MARCHF1: variants seen among roughly 807,000 people sequenced by gnomAD.
MARCHF1 encodes the protein membrane associated ring-CH-type finger 1.
Under a neutral mutation model 54.2 loss-of-function variants are expected in MARCHF1, and 40 were observed. The ratio of observed to expected loss-of-function variants is 0.74; its 90% CI spans 0.57 to 0.96. The LOEUF is 0.96. Among genes scored for constraint, MARCHF1 ranks in the 40% least tolerant of loss-of-function variants. The pLI is 0.00. For synonymous variants in MARCHF1, 236 were observed against 236.3 expected (o/e 1.00, Z 0.01); for missense variants, 586 against 656.5 (o/e 0.89, Z 1.17).
chr4:164,155,680 G>T (rs1280566729), intron 1 of MARCHF1, among the ~76,000 whole-genome samples: 1 of 151,922 alleles, frequency 6.6e-6, no homozygotes, highest in African/African-American at 2.4e-5. Flanking sequence ...ACTTGGTGGG[G>T]GGAAGGGATG....
chr4:163,750,307 C>A (rs542971738), intron 4 of MARCHF1, among the ~76,000 whole-genome samples: 106 of 151,864 alleles, frequency 7.0e-4, no homozygotes, highest in African/African-American at 2.4e-3. Context: ...GTCAGGAGAT[C>A]GAGACCATCC....
intron 1 of MARCHF1, among the ~76,000 whole-genome samples, chr4:164,320,556 T>A (rs1368076211): frequency 5.9e-5 from 9 of 152,162 alleles, no homozygotes; most frequent in Non-Finnish European, 1.3e-4. Flanking sequence ...ACTGTGTGTT[T>A]CTTTTTACCA....
At chr4:163,676,744 C>A (rs1303436210) in intron 5 of MARCHF1, among the ~76,000 whole-genome samples, 3 of 151,896 alleles carry the variant, frequency 2.0e-5, no homozygotes. Flanking sequence ...CAAGGTGAGA[C>A]CCTGTCCCAA....
chr4:163,897,646 C>G (rs971458805), intron 3 of MARCHF1, among the ~76,000 whole-genome samples: 2 of 152,064 alleles, frequency 1.3e-5, no homozygotes, highest in Admixed American at 6.6e-5. Context: ...ATAAAAGGTG[C>G]TGGGAAAAGT....
At chr4:163,535,888 A>T (rs571608873) in intron 9 of MARCHF1, among the ~76,000 whole-genome samples, 1 of 152,086 alleles carries the variant, frequency 6.6e-6, no homozygotes, top group South Asian at 2.1e-4. Flanking sequence ...GACATTTAGC[A>T]GTGTCTAGAG....
At chr4:163,971,768 TG>T (rs1752551547) in intron 3 of MARCHF1, among the ~76,000 whole-genome samples, 1 of 152,220 alleles carries the variant, frequency 6.6e-6, no homozygotes, top group African/African-American at 2.4e-5. Flanking sequence ...TAAGATATAT[TG>T]GAGAGCTGCT....
chr4:163,947,898 T>C (rs1752054851), intron 3 of MARCHF1, among the ~76,000 whole-genome samples: 1 of 152,250 alleles, frequency 6.6e-6, no homozygotes, highest in Admixed American at 6.5e-5. Context: ...GTTATTTTAG[T>C]TTCTTAGGAG....
At chr4:164,298,283 A>AT (rs777565616) in intron 1 of MARCHF1, among the ~76,000 whole-genome samples, 34 of 152,164 alleles carry the variant, frequency 2.2e-4, no homozygotes, top group Non-Finnish European at 2.5e-4. Flanking sequence ...AGCCTCCTGC[A>AT]TAACTGTTCT....
chr4:163,544,910 A>C (rs377148970), intron 9 of MARCHF1, among the ~76,000 whole-genome samples: 1 of 152,186 alleles, frequency 6.6e-6, no homozygotes, highest in Non-Finnish European at 1.5e-5. Flanking sequence ...TGGATAAGGT[A>C]TGAAAACTTA....
intron 1 of MARCHF1, among the ~76,000 whole-genome samples, chr4:164,297,626 G>C (rs775184288): frequency 3.3e-5 from 5 of 152,066 alleles, no homozygotes; most frequent in Admixed American, 6.6e-5. Flanking sequence ...TTGTGGATTA[G>C]AAAAAGGGTA....
At chr4:164,188,514 A>G in intron 1 of MARCHF1, 1 of 697,946 alleles carries the variant, frequency 1.4e-6, no homozygotes, top group Non-Finnish European at 2.7e-6. Context: ...TGTGTGTTCA[A>G]GACCGGCTGC....
chr4:164,328,405 T>G (rs1735338396), intron 1 of MARCHF1, among the ~76,000 whole-genome samples: 1 of 152,188 alleles, frequency 6.6e-6, no homozygotes, highest in South Asian at 2.1e-4. Context: ...TATTCACCAA[T>G]TCAAATATGA....
intron 3 of MARCHF1, among the ~76,000 whole-genome samples, chr4:163,892,328 T>C (rs1159146408): frequency 6.6e-6 from 1 of 152,100 alleles, no homozygotes; most frequent in Non-Finnish European, 1.5e-5. Context: ...GGCAGACCTG[T>C]AATATTCAGA....
In MARCHF1 at chr4:164,269,954, A is replaced by T. The variant is rs1298887101; in HGVS notation, c.-323+113916T>A. Among the ~76,000 whole-genome samples the T allele has an allele frequency of 2.6e-5, 4 of 152,262 alleles. No individual in the cohort carries two copies. The East Asian group carries it at 7.7e-4, about 29-fold the overall frequency. On this transcript the variant is annotated intron_variant, in intron 1 of 9. Coordinates refer to ENST00000514618, the MANE Select transcript of MARCHF1 (RefSeq NM_001394959.1). ...CTTCTGCCATGAGCCCCTGCAATCT[A>T]TTTCAACTCAGAAGCTATAGAGTTT... is the stretch of plus-strand genomic sequence containing the variant.
chr4:164,097,252 G>T (rs1193577364), intron 2 of MARCHF1, among the ~76,000 whole-genome samples: 1 of 152,084 alleles, frequency 6.6e-6, no homozygotes, highest in East Asian at 1.9e-4. Flanking sequence ...CCAAAGAAGA[G>T]CTTCTATCCT....
chr4:164,028,651 T>A lies in MARCHF1; in HGVS notation c.-247-39942A>T, dbSNP rs993803591. Among the ~76,000 whole-genome samples, 10 of 152,148 alleles carry A rather than the reference T, an allele frequency of 6.6e-5. No homozygotes were observed. In the South Asian group the frequency reaches 8.3e-4, roughly 13 times the overall value. On this transcript the variant is annotated intron_variant, in intron 2 of 9. Transcript: ENST00000514618. The stretch of plus-strand genomic sequence containing the variant: ...TATGCTCACTACCTGGGTGATGTGA[T>A]CCATACCCCTAACCTCAATATCATA...
chr4:164,242,471 CA>C (rs1158640230), intron 1 of MARCHF1, among the ~76,000 whole-genome samples: 2 of 135,694 alleles, frequency 1.5e-5, no homozygotes, highest in Non-Finnish European at 3.3e-5. Context: ...ACCAAAAACC[CA>C]TCTGTACATC....
chr4:164,346,409 T>A (rs1289924227), intron 1 of MARCHF1, among the ~76,000 whole-genome samples: 3 of 152,034 alleles, frequency 2.0e-5, no homozygotes, highest in Non-Finnish European at 4.4e-5. Context: ...TACAATCCAC[T>A]GTTTATTGAA....
At chr4:163,574,898 C>A (rs1017854816) in intron 8 of MARCHF1, among the ~76,000 whole-genome samples, 11 of 151,532 alleles carry the variant, frequency 7.3e-5, no homozygotes, top group African/African-American at 2.7e-4. Context: ...CTATAAATTA[C>A]CTTGGGCAGT....
Sources: allele counts gnomAD v4.1 joint callset (sites outside exome capture counted in the v4.1 genomes callset), GRCh38; gene constraint gnomAD v4.1.1; transcripts MANE v1.5; gene names NCBI Gene and HGNC (gene_info 2026-07-23, HGNC 2026-07-21).